The following MCEE variants were observed in gnomAD, a reference collection of about 807,000 sequenced individuals.
MCEE encodes methylmalonyl-CoA epimerase, mitochondrial.
In MCEE, 6 loss-of-function variants were observed where a neutral mutation model predicts 12.9. The ratio of observed to expected loss-of-function variants is 0.47; its 90% CI spans 0.26 to 0.92. The LOEUF is 0.92. MCEE is among the 40% of genes least tolerant of loss of function. The pLI, the probability that MCEE is intolerant of heterozygous loss-of-function variation, is 0.16. For missense variants in MCEE, 214 were observed against 212.1 expected (o/e 1.01, Z -0.05); for synonymous variants, 78 against 77.9 (o/e 1.00, Z -0.01).
intron 1 of MCEE, chr2:71,129,597 AAATG>A (rs1673322709): frequency 6.5e-6 from 1 of 153,494 alleles, no homozygotes; most frequent in Non-Finnish European, 1.5e-5. Context: ...ATTTTAAAAA[AAATG>A]AAGGGGGAGA....
intron 2 of MCEE, among the ~76,000 whole-genome samples, chr2:71,115,067 C>G (rs770819713): frequency 6.6e-6 from 1 of 152,112 alleles, no homozygotes; most frequent in East Asian, 1.9e-4. Flanking sequence ...CTTCAATATC[C>G]CTCAATCATG....
intron 2 of MCEE, among the ~76,000 whole-genome samples, chr2:71,122,274 C>T (rs1451918527): frequency 6.6e-6 from 1 of 152,166 alleles, no homozygotes; most frequent in Non-Finnish European, 1.5e-5. Flanking sequence ...GCTGGGACTA[C>T]AGGTGCATAC....
chr2:71,121,915 T>C (rs991560825), intron 2 of MCEE, among the ~76,000 whole-genome samples: 3 of 152,220 alleles, frequency 2.0e-5, no homozygotes, highest in Admixed American at 6.5e-5. Context: ...ACTGGCATCA[T>C]GGGTAAGAGT....
chr2:71,127,751 G>A (rs1673268203), intron 1 of MCEE, among the ~76,000 whole-genome samples: 2 of 152,060 alleles, frequency 1.3e-5, no homozygotes, highest in African/African-American at 2.4e-5. Context: ...CTCAGCCTCC[G>A]GAGTAGCCGG....
chr2:71,116,366 C>A (rs1389918998), intron 2 of MCEE, among the ~76,000 whole-genome samples: 1 of 149,962 alleles, frequency 6.7e-6, no homozygotes, highest in African/African-American at 2.5e-5. Flanking sequence ...AGCCACCATG[C>A]CCGGCCCTTT....
At chr2:71,122,234 A>G (rs1336582214) in intron 2 of MCEE, among the ~76,000 whole-genome samples, 1 of 152,136 alleles carries the variant, frequency 6.6e-6, no homozygotes, top group Non-Finnish European at 1.5e-5. Context: ...CCTGGGCTCA[A>G]GTGATGCTCC....
At chr2:71,121,008 A>G (rs1003085084) in intron 2 of MCEE, among the ~76,000 whole-genome samples, 1 of 152,186 alleles carries the variant, frequency 6.6e-6, no homozygotes, top group African/African-American at 2.4e-5. Flanking sequence ...AAGTGCTGTA[A>G]TAAGCATGAG....
chr2:71,126,906 CAGGTTGCCCTCCAACT>C (rs1558749126), intron 1 of MCEE, among the ~76,000 whole-genome samples: 3 of 152,144 alleles, frequency 2.0e-5, no homozygotes. Context: ...ATTTTTATTT[CAGGTTGCCCTCCAACT>C]AGCAGGAATT....
intron 2 of MCEE, among the ~76,000 whole-genome samples, chr2:71,122,855 T>C (rs1328195286): frequency 6.6e-6 from 1 of 152,210 alleles, no homozygotes; most frequent in South Asian, 2.1e-4. Flanking sequence ...CTGCCTGAAA[T>C]AACTTTCTCC....
At chr2:71,119,304 C>T (rs1673054395) in intron 2 of MCEE, among the ~76,000 whole-genome samples, 1 of 150,268 alleles carries the variant, frequency 6.7e-6, no homozygotes, top group African/African-American at 2.5e-5. Flanking sequence ...TGGCTACAAA[C>T]CTGTACAGCA....
intron 2 of MCEE, among the ~76,000 whole-genome samples, chr2:71,122,517 G>A (rs1253033542): frequency 2.0e-5 from 3 of 152,162 alleles, no homozygotes; most frequent in Admixed American, 2.0e-4. Flanking sequence ...TGGCTGGGGA[G>A]GCCTCACACT....
intron 2 of MCEE, among the ~76,000 whole-genome samples, chr2:71,111,543 C>G (rs1672885107): frequency 6.6e-6 from 1 of 152,160 alleles, no homozygotes; most frequent in Non-Finnish European, 1.5e-5. Flanking sequence ...CTATCCCCAC[C>G]TCTGTGTGTG....
At chr2:71,118,613 G>T (rs1175707517) in intron 2 of MCEE, among the ~76,000 whole-genome samples, 2 of 149,922 alleles carry the variant, frequency 1.3e-5, no homozygotes, top group Non-Finnish European at 2.9e-5. Context: ...TCCTCCCGTA[G>T]CGGAAGGGGC....
intron 2 of MCEE, chr2:71,117,669 T>C (rs567364903): frequency 6.6e-6 from 1 of 150,466 alleles, no homozygotes; most frequent in Admixed American, 6.6e-5. Flanking sequence ...CTATAATTGC[T>C]GCATTTCTCT....
At chr2:71,114,101 AC>A (rs200569984) in intron 2 of MCEE, among the ~76,000 whole-genome samples, 101 of 151,118 alleles carry the variant, frequency 6.7e-4, no homozygotes, top group Non-Finnish European at 9.3e-4. Context: ...ACAAAACAAA[AC>A]AAAAAAACAA....
intron 2 of MCEE, among the ~76,000 whole-genome samples, chr2:71,115,284 G>C (rs967590860): frequency 6.6e-6 from 1 of 152,202 alleles, no homozygotes; most frequent in Non-Finnish European, 1.5e-5. Context: ...CTACTCAGGA[G>C]GCTGAGATGA....
chr2:71,113,874 T>C (rs1208242212), intron 2 of MCEE, among the ~76,000 whole-genome samples: 2 of 152,118 alleles, frequency 1.3e-5, no homozygotes, highest in African/African-American at 4.8e-5. Flanking sequence ...ATATCAACAG[T>C]AGTAAGTCAT....
chr2:71,112,370 T>C (rs1672903472), intron 2 of MCEE, among the ~76,000 whole-genome samples: 2 of 147,488 alleles, frequency 1.4e-5, no homozygotes, highest in Non-Finnish European at 3.0e-5. Context: ...CTCTTGACCT[T>C]GTGATGTGCC....
Position 71,109,895 on chromosome 2 carries a change from C to T in MCEE, c.*75G>A. ...TACATGATGGAAGCAGTGAAGGACT[C>T]AATGTCATAGTACATTTTGATAGTA... On this transcript the variant is annotated 3_prime_UTR_variant, in exon 3 of 3. Coordinates refer to ENST00000244217, the MANE Select transcript of MCEE (RefSeq NM_032601.4). 2.1e-6 allele frequency: 3 copies of T among 1,459,254 alleles called. No homozygotes were observed. The highest frequency in any genetic ancestry group is 9.5e-7 in the Non-Finnish European group (1 of 1,049,382). The allele number at this position is 1,459,254 out of a possible 1,614,324, so 90.4% of individuals were successfully genotyped here. A position where few individuals can be genotyped will look rare whatever the true frequency, so the allele number is the denominator to read the frequency against.
Sources: gnomAD v4.1 joint callset for allele counts (sites outside exome capture counted in the v4.1 genomes callset) on GRCh38, gnomAD v4.1.1 for gene constraint, MANE v1.5 for transcripts, NCBI Gene and HGNC (gene_info 2026-07-23, HGNC 2026-07-21) for gene names.